SOBP: variants seen among roughly 807,000 people sequenced by gnomAD.
The protein encoded by SOBP is sine oculis-binding protein homolog.
A neutral mutation model predicts 53.6 loss-of-function variants in SOBP; 4 were observed. The ratio of observed to expected loss-of-function variants is 0.07; its 90% CI spans 0.04 to 0.17. SOBP has a LOEUF of 0.17. SOBP is among the 10% of genes least tolerant of loss of function. SOBP has a pLI of 1.00. For missense variants in SOBP, 1,088 were observed against 1,204.7 expected, an observed-to-expected ratio of 0.90 and a Z score of 1.43; for synonymous variants, 584 against 522.6, an observed-to-expected ratio of 1.12 and a Z score of -1.60.
At chr6:107,616,209 C>T (rs1300211424) in intron 5 of SOBP, among the ~76,000 whole-genome samples, 1 of 151,722 alleles carries the variant, frequency 6.6e-6, no homozygotes, top group Non-Finnish European at 1.5e-5. Flanking sequence ...AAGTCTAGTA[C>T]AGCCACCTCT....
intron 4 of SOBP, among the ~76,000 whole-genome samples, chr6:107,564,262 C>G (rs1306607730): frequency 3.3e-5 from 5 of 152,160 alleles, no homozygotes; most frequent in African/African-American, 1.2e-4. Flanking sequence ...AGCCTGGTCT[C>G]TCTCAAGAAC....
chr6:107,644,524 G>C (rs1361693471), intron 6 of SOBP, among the ~76,000 whole-genome samples: 1 of 152,200 alleles, frequency 6.6e-6, no homozygotes, highest in Non-Finnish European at 1.5e-5. Context: ...ATATGAAAAA[G>C]AGGAGGGGGA....
At chr6:107,644,554 G>T (rs1008430160) in intron 6 of SOBP, among the ~76,000 whole-genome samples, 6 of 152,256 alleles carry the variant, frequency 3.9e-5, no homozygotes, top group Non-Finnish European at 7.4e-5. Flanking sequence ...TCCAAACGCA[G>T]AATCCATTTA....
intron 3 of SOBP, 91 bp from the exon 4 acceptor site, chr6:107,533,368 G>C (rs1057053769): frequency 1.1e-5 from 15 of 1,352,208 alleles, no homozygotes; most frequent in Non-Finnish European, 1.6e-5. Context: ...CTAAAATCAG[G>C]CCCAGGTAGC....
chr6:107,547,859 G>C (rs1784346813), intron 4 of SOBP, among the ~76,000 whole-genome samples: 1 of 152,146 alleles, frequency 6.6e-6, no homozygotes, highest in Non-Finnish European at 1.5e-5. Context: ...TCATGCTTCG[G>C]GGTCCAAGTT....
chr6:107,525,247 G>T (rs1218642430), intron 3 of SOBP, among the ~76,000 whole-genome samples: 1 of 152,188 alleles, frequency 6.6e-6, no homozygotes, highest in East Asian at 1.9e-4. Context: ...GCAGAGGCGA[G>T]GTTGTCAAAG....
At chr6:107,524,127 A>G (rs1336670918) in intron 3 of SOBP, among the ~76,000 whole-genome samples, 2 of 152,234 alleles carry the variant, frequency 1.3e-5, no homozygotes, top group African/African-American at 4.8e-5. Context: ...TGTATAAAGC[A>G]GCTTGACCTT....
intron 4 of SOBP, among the ~76,000 whole-genome samples, chr6:107,585,852 A>G (rs1045518995): frequency 1.3e-5 from 2 of 152,244 alleles, no homozygotes; most frequent in Admixed American, 1.3e-4. Flanking sequence ...CAGTATAGCC[A>G]GGGAGCTCTG....
chr6:107,613,369 T>G (rs1489621485), intron 5 of SOBP, among the ~76,000 whole-genome samples: 1 of 152,224 alleles, frequency 6.6e-6, no homozygotes, highest in Non-Finnish European at 1.5e-5. Flanking sequence ...AGGTGATGTT[T>G]CAAAATATTT....
At chr6:107,500,682 C>A (rs544748419) in intron 1 of SOBP, among the ~76,000 whole-genome samples, 1 of 151,602 alleles carries the variant, frequency 6.6e-6, no homozygotes, top group South Asian at 2.1e-4. Flanking sequence ...CCACTACGCC[C>A]GGCTAATTTT....
At chr6:107,502,782 A>T (rs576053279) in intron 1 of SOBP, among the ~76,000 whole-genome samples, 3 of 152,138 alleles carry the variant, frequency 2.0e-5, no homozygotes, top group Non-Finnish European at 4.4e-5. Flanking sequence ...TTTTTTTGAG[A>T]TGGAGGCTTG....
chr6:107,490,979 G>A (rs1231203763), intron 1 of SOBP, among the ~76,000 whole-genome samples: 2 of 152,118 alleles, frequency 1.3e-5, no homozygotes, highest in Non-Finnish European at 2.9e-5. Flanking sequence ...GCGTTTCAGG[G>A]CGAGGGCACC....
chr6:107,565,292 A>T (rs1457412527), intron 4 of SOBP, among the ~76,000 whole-genome samples: 3 of 152,198 alleles, frequency 2.0e-5, no homozygotes, highest in Non-Finnish European at 2.9e-5. Flanking sequence ...GCTGAGTCCC[A>T]TTGAGTTCTT....
chr6:107,648,773 C>G (rs846966), intron 6 of SOBP, among the ~76,000 whole-genome samples: 5,806 of 152,122 alleles, frequency 0.038, 416 homozygotes, highest in African/African-American at 0.13. Flanking sequence ...TTCTGGCAAC[C>G]CTTCCTGGCA....
chr6:107,603,633 A>T (rs77453250), intron 5 of SOBP, among the ~76,000 whole-genome samples: 2 of 152,296 alleles, frequency 1.3e-5, no homozygotes, highest in Admixed American at 1.3e-4. Flanking sequence ...CCCCCCAAAA[A>T]GTACTTTGGG....
intron 5 of SOBP, among the ~76,000 whole-genome samples, chr6:107,589,597 A>G (rs1785679181): frequency 6.6e-6 from 1 of 152,242 alleles, no homozygotes; most frequent in African/African-American, 2.4e-5. Flanking sequence ...TTTTCCATTT[A>G]AATCCCAAAC....
intron 5 of SOBP, among the ~76,000 whole-genome samples, chr6:107,598,522 C>T (rs59133948): frequency 0.013 from 2,016 of 152,056 alleles, 45 homozygotes; most frequent in African/African-American, 0.047. Context: ...CTGTGAGTGG[C>T]GAGAATAAAA....
rs959374112 is a variant in SOBP, at chr6:107,635,776, C to G, written c.*3+307C>G. 6.6e-6 allele frequency among the ~76,000 whole-genome samples: 1 copy of G among 152,126 alleles called. No individual in the cohort carries two copies. The highest frequency in any genetic ancestry group is 1.5e-5 in the Non-Finnish European group (1 of 68,038). On this transcript the variant is annotated intron_variant, in intron 6 of 6. Transcript: ENST00000317357. This position sits in a 1 kb window ranked among gnomAD's most constrained non-coding sequence, Gnocchi z 4.5. ...ATGAAATATTGTCTCTCCAATTACA[C>G]TTTATTATCATGCTCATCTCCGTAA...
At chr6:107,561,754 A>G (rs1784777821) in intron 4 of SOBP, among the ~76,000 whole-genome samples, 1 of 152,200 alleles carries the variant, frequency 6.6e-6, no homozygotes, top group Non-Finnish European at 1.5e-5. Flanking sequence ...TTTCATTAAA[A>G]TCAAAGCTTC....
Sources: allele counts gnomAD v4.1 joint callset (sites outside exome capture counted in the v4.1 genomes callset), GRCh38; gene constraint gnomAD v4.1.1; non-coding constraint Gnocchi (gnomAD v3.1); transcripts MANE v1.5; gene names NCBI Gene and HGNC (gene_info 2026-07-23, HGNC 2026-07-21).